The following CCT7 variants were observed in gnomAD, a reference collection of about 807,000 sequenced individuals.
CCT7 encodes T-complex protein 1 subunit eta.
In CCT7, 16 loss-of-function variants were observed where a neutral mutation model predicts 56.6. The observed-to-expected ratio is 0.28, with a 90% CI of 0.19 to 0.43. The LOEUF is 0.43. CCT7 is among the 20% of genes least tolerant of loss of function. The probability of loss-of-function intolerance (pLI) is 1.00; values close to 1 mark genes in which losing one functional copy is unlikely to be tolerated. For missense variants in CCT7, 519 were observed against 685.6 expected (o/e 0.76, Z 2.71); for synonymous variants, 262 against 254.8 (o/e 1.03, Z -0.27).
At position 73,250,443 on chromosome 2, in the gene CCT7, T is replaced by C. The variant is rs1322006478; in HGVS notation, c.1203+5T>C. On this transcript the variant is annotated splice_donor_5th_base_variant and intron_variant, in intron 10 of 11. Transcript: ENST00000258091. ...ATCGTCAGGAGGGCCATCAAGGTAC[T>C]GGGCTGATATCCTCCTGCTTGCACA... 11 of 1,613,770 alleles carry C rather than the reference T, an allele frequency of 6.8e-6. No homozygotes were observed. The highest frequency in any genetic ancestry group is 9.3e-6 in the Non-Finnish European group (11 of 1,179,980).
chr2:73,234,327 C>T lies in CCT7; in HGVS notation c.-52C>T, dbSNP rs1686757766. 7.4e-6 allele frequency: 12 copies of T among 1,612,566 alleles called. No individual in the cohort carries two copies. Among genetic ancestry groups the T allele is most frequent in the Non-Finnish European group, 8.5e-6 (10 of 1,178,928 alleles). On this transcript the variant is annotated 5_prime_UTR_variant, in exon 1 of 12. Coordinates refer to ENST00000258091, the MANE Select transcript of CCT7 (RefSeq NM_006429.4). ...CGAGGCATTGTGGGTTGCTGGGCGG[C>T]CCGGTCTCGGAGAAGAGGGGAGAGT...
chr2:73,249,289 G>GT (rs753559796), intron 8 of CCT7, 110 bp downstream of exon 8: 74,574 of 555,324 alleles, frequency 0.13, 26 homozygotes, highest in East Asian at 0.17. Context: ...ATTGAGCCCT[G>GT]TTTTTTTTTT....
At chr2:73,235,386 C>T (rs191548213) in intron 1 of CCT7, among the ~76,000 whole-genome samples, 44 of 152,342 alleles carry the variant, frequency 2.9e-4, no homozygotes, top group African/African-American at 9.9e-4. Context: ...GCCTGTCCGA[C>T]TCTATCTTCT....
intron 1 of CCT7, chr2:73,237,814 G>C (rs1686943806): frequency 6.6e-6 from 1 of 152,336 alleles, no homozygotes; most frequent in African/African-American, 2.4e-5. Context: ...TGTAATCCTA[G>C]CACTTCAGAA....
At chr2:73,240,377 G>A in intron 2 of CCT7, 60 bp from the exon 3 acceptor site, 1 of 1,277,914 alleles carries the variant, frequency 7.8e-7, no homozygotes, top group Non-Finnish European at 1.1e-6. Flanking sequence ...TGGGTTCTAG[G>A]TCCCACTTGA....
chr2:73,252,133 A>T (rs1450581431), intron 11 of CCT7, among the ~76,000 whole-genome samples: 1 of 151,958 alleles, frequency 6.6e-6, no homozygotes, highest in South Asian at 2.1e-4. Flanking sequence ...TGTTAAATAG[A>T]TAGAGGTTTG....
intron 1 of CCT7, among the ~76,000 whole-genome samples, chr2:73,238,695 A>G (rs1255531419): frequency 6.6e-6 from 1 of 152,268 alleles, no homozygotes; most frequent in Non-Finnish European, 1.5e-5. Flanking sequence ...AAAATTAGCC[A>G]GAAACACTTG....
At chr2:73,244,178 G>C (rs1326298146) in intron 5 of CCT7, 129 bp downstream of exon 5, 3 of 928,518 alleles carry the variant, frequency 3.2e-6, no homozygotes, top group Non-Finnish European at 4.8e-6. Context: ...GGGATTACAG[G>C]TGTGAGTCAC....
chr2:73,237,373 G>A (rs1401323632), intron 1 of CCT7, among the ~76,000 whole-genome samples: 1 of 152,204 alleles, frequency 6.6e-6, no homozygotes, highest in Non-Finnish European at 1.5e-5. Flanking sequence ...CTGTTGAGGT[G>A]AAAGAACCTG....
chr2:73,240,306 A>C lies in CCT7; in HGVS notation c.161-131A>C, dbSNP rs574993348. ...CTAATTCTGTATAGAAAGATCAGAT[A>C]GGTATCCTTTCCCTTCAGCCCTGCC... On this transcript the variant is annotated intron_variant, in intron 2 of 11. Coordinates refer to ENST00000258091, the MANE Select transcript of CCT7 (RefSeq NM_006429.4). 1.7e-5 allele frequency: 9 copies of C among 531,860 alleles called. No homozygotes were observed. In the African/African-American group the frequency reaches 1.7e-4, roughly 10 times the overall value. The allele number at this position is 531,860 out of a possible 1,614,324, so 32.9% of individuals were successfully genotyped here. A position where few individuals can be genotyped will look rare whatever the true frequency, so the allele number is the denominator to read the frequency against.
intron 6 of CCT7, 70 bp from the exon 7 acceptor site, chr2:73,247,691 CA>C (rs1295654505): frequency 2.1e-6 from 3 of 1,396,662 alleles, no homozygotes; most frequent in Non-Finnish European, 2.0e-6. Context: ...AAGCACTAGC[CA>C]GCAAACAACT....
chr2:73,240,836 A>G (rs938471790), intron 3 of CCT7, among the ~76,000 whole-genome samples: 2 of 151,640 alleles, frequency 1.3e-5, no homozygotes, highest in Non-Finnish European at 2.9e-5. Context: ...TAGGTTAAAT[A>G]ATTTGACTTC....
At chr2:73,248,427 T>G (rs1426809797) in intron 7 of CCT7, among the ~76,000 whole-genome samples, 6 of 151,998 alleles carry the variant, frequency 3.9e-5, no homozygotes, top group African/African-American at 1.5e-4. Flanking sequence ...CTCGGCTCAC[T>G]GTAACCTCTG....
At position 73,252,755 on chromosome 2, in the gene CCT7, C is replaced by G; in HGVS notation, c.1526C>G (p.Ala509Gly). ...RINALTAASE[A>G]ACLIVSVDET... ...AATGCGCTGACAGCAGCCTCTGAGGCTGCGTGCCTGATCGTGTCTGTAGAT... is the reference window on the plus strand; with the variant it reads ...AATGCGCTGACAGCAGCCTCTGAGGGTGCGTGCCTGATCGTGTCTGTAGAT... The change falls in exon 12 of 12, where the codon GCT becomes GGT. Residue 509 changes from alanine to glycine, a missense_variant. By Grantham distance (60) the Ala-to-Gly change is moderately conservative. Around this residue, in one of 3 missense-constraint regions of CCT7, gnomAD observed 237 missense variants for 300.8 expected, o/e 0.79. Transcript: ENST00000258091. 1 of 1,614,146 alleles carries G rather than the reference C, an allele frequency of 6.2e-7. No individual in the cohort carries two copies. Among genetic ancestry groups the G allele is most frequent in the Non-Finnish European group, 8.5e-7 (1 of 1,180,018 alleles).
At chr2:73,239,842 C>T (rs1687031879) in intron 2 of CCT7, 46 bp downstream of exon 2, 2 of 1,571,268 alleles carry the variant, frequency 1.3e-6, no homozygotes, top group South Asian at 1.1e-5. Flanking sequence ...AAAGGAGGCT[C>T]CTGAGGGGGT....
Position 73,243,051 on chromosome 2 carries a change from G to A in CCT7, c.315G>A (p.Leu105=). Residue 105 remains leucine (L), a synonymous_variant, in exon 4 of 12, where the codon CTG becomes CTA. Transcript: ENST00000258091. ...TSVTLLAAEF[L]KQVKPYVEEG... ...TGACCTTGCTGGCTGCAGAGTTTCT[G>A]AAGCAGGTGAAACCCTATGTGGAGG... 6.2e-7 allele frequency: 1 copy of A among 1,614,044 alleles called. No individual in the cohort carries two copies. The highest frequency in any genetic ancestry group is 8.5e-7 in the Non-Finnish European group (1 of 1,179,900).
chr2:73,246,906 A>G (rs1350124330), intron 6 of CCT7, among the ~76,000 whole-genome samples: 1 of 152,238 alleles, frequency 6.6e-6, no homozygotes, highest in Non-Finnish European at 1.5e-5. Context: ...ATTATAGATT[A>G]GAATTGTAGA....
Position 73,252,799 on chromosome 2 carries a change from C to A in CCT7, c.1570C>A (p.Arg524Ser). 3.7e-6 allele frequency: 6 copies of A among 1,614,162 alleles called. 1 individual carries two copies. In the South Asian group the frequency reaches 6.6e-5, roughly 18 times the overall value. Residue 524 changes from arginine (R) to serine (S), a missense_variant, in exon 12 of 12, where the codon CGC becomes AGC. Arg to Ser is a moderately radical substitution (Grantham distance 110). Transcript: ENST00000258091. Reference protein sequence around the residue: ...VSVDETIKNPRSTVDAPTAAG... With the variant: ...VSVDETIKNPSSTVDAPTAAG... ...TGTAGATGAAACCATCAAGAACCCC[C>A]GCTCGACTGTGGATGCTCCCACAGC...
chr2:73,250,260 G>A (rs1687519354), intron 9 of CCT7, 46 bp from the exon 10 acceptor site: 4 of 1,610,082 alleles, frequency 2.5e-6, no homozygotes, highest in Admixed American at 1.7e-5. Flanking sequence ...CAGTAGGATG[G>A]TGGCAGACAA....
Sources: gnomAD v4.1 joint callset for allele counts (sites outside exome capture counted in the v4.1 genomes callset) on GRCh38, gnomAD v4.1.1 for gene constraint, gnomAD v4.1.1 regional missense constraint, MANE v1.5 for transcripts, NCBI Gene and HGNC (gene_info 2026-07-23, HGNC 2026-07-21) for gene names.